The following CTTNBP2 variants were observed in gnomAD, a reference collection of about 807,000 sequenced individuals.
CTTNBP2 encodes the protein cortactin binding protein 2.
CTTNBP2 carries 108 observed loss-of-function variants against 156.9 expected under a neutral mutation model. The ratio of observed to expected loss-of-function variants is 0.69; its 90% CI spans 0.59 to 0.81. The LOEUF is 0.81. CTTNBP2 is among the 30% of genes least tolerant of loss of function. CTTNBP2 has a pLI of 0.00. For synonymous variants in CTTNBP2, 767 were observed against 751.8 expected, an observed-to-expected ratio of 1.02 and a Z score of -0.33; for missense variants, 1,924 against 2,035.4, an observed-to-expected ratio of 0.95 and a Z score of 1.05.
chr7:117,872,384 G>C (rs10429259), intron 1 of CTTNBP2, among the ~76,000 whole-genome samples: 28,946 of 152,152 alleles, frequency 0.19, 3,574 homozygotes, highest in East Asian at 0.41. Context: ...AGCCAGATCT[G>C]GCCAAGAGTG....
At chr7:117,756,495 C>T in intron 12 of CTTNBP2, 60 bp downstream of exon 12, 1 of 1,341,748 alleles carries the variant, frequency 7.5e-7, no homozygotes, top group Non-Finnish European at 1.1e-6. Context: ...AAATGGGCCA[C>T]CCAATTTTCC....
Position 117,780,434 on chromosome 7 carries a change from T to C in CTTNBP2, c.2523+7A>G, listed in dbSNP as rs1562999382. 1.9e-6 allele frequency: 3 copies of C among 1,540,740 alleles called. No individual in the cohort carries two copies. Among genetic ancestry groups the C allele is most frequent in the Admixed American group, 2.1e-5 (1 of 47,500 alleles). ...ATACAGGGGGAAAAAAACAGACTGC[T>C]ACTCACTGTGGTTTTTACACTTCGA... On this transcript the variant is annotated splice_region_variant and intron_variant, in intron 7 of 22. Transcript: ENST00000160373.
intron 3 of CTTNBP2, among the ~76,000 whole-genome samples, chr7:117,801,144 C>T (rs1012783177): frequency 1.3e-5 from 2 of 151,898 alleles, no homozygotes; most frequent in African/African-American, 4.8e-5. Context: ...CAGTAGAATG[C>T]CACATAAAAA....
At chr7:117,747,498 C>G (rs1303626308) in intron 12 of CTTNBP2, among the ~76,000 whole-genome samples, 1 of 152,198 alleles carries the variant, frequency 6.6e-6, no homozygotes, top group Non-Finnish European at 1.5e-5. Context: ...TTGGGCCGCA[C>G]GTGGTGGCTC....
At chr7:117,713,004 C>T (rs145315249) in intron 22 of CTTNBP2, among the ~76,000 whole-genome samples, 23 of 152,292 alleles carry the variant, frequency 1.5e-4, no homozygotes, top group Non-Finnish European at 2.6e-4. Flanking sequence ...ACCTGAGCTC[C>T]GCCTCCTGTC....
intron 1 of CTTNBP2, among the ~76,000 whole-genome samples, chr7:117,866,716 C>G (rs1376971633): frequency 6.6e-6 from 1 of 152,090 alleles, no homozygotes; most frequent in African/African-American, 2.4e-5. Context: ...TCCCCCATCC[C>G]CTAAATGTCC....
At chr7:117,766,278 A>G (rs1434655588) in intron 9 of CTTNBP2, among the ~76,000 whole-genome samples, 1 of 152,126 alleles carries the variant, frequency 6.6e-6, no homozygotes, top group Non-Finnish European at 1.5e-5. Flanking sequence ...CTGTCAACCA[A>G]AAAAACCCCC....
At chr7:117,803,485 C>T (rs7786189) in intron 3 of CTTNBP2, among the ~76,000 whole-genome samples, 2,910 of 152,174 alleles carry the variant, frequency 0.019, 96 homozygotes, top group African/African-American at 0.065. Context: ...CAGCATCATA[C>T]GATATGCCAA....
rs530462273 is a variant in CTTNBP2, at chr7:117,730,084, C to A, written c.3877-1817G>T. Among the ~76,000 whole-genome samples the A allele has an allele frequency of 4.6e-5, 7 of 152,238 alleles. No homozygotes were observed. In the South Asian group the frequency reaches 1.0e-3, roughly 23 times the overall value. On this transcript the variant is annotated intron_variant, in intron 16 of 22. Coordinates refer to ENST00000160373, the MANE Select transcript of CTTNBP2 (RefSeq NM_033427.3). ...GGATCTGATCCCCCACCTAGTATGTCCCCTGAACGAATGACTTCAAGGCCA... is the reference window on the plus strand; with the variant it reads ...GGATCTGATCCCCCACCTAGTATGTACCCTGAACGAATGACTTCAAGGCCA...
chr7:117,748,526 A>G (rs1796458064), intron 12 of CTTNBP2, among the ~76,000 whole-genome samples: 1 of 152,066 alleles, frequency 6.6e-6, no homozygotes, highest in South Asian at 2.1e-4. Flanking sequence ...GCATTGAGAG[A>G]GCTCAAGTTA....
chr7:117,735,585 T>C (rs1795643367), intron 14 of CTTNBP2, among the ~76,000 whole-genome samples, 164 bp from the exon 15 acceptor site: 1 of 152,222 alleles, frequency 6.6e-6, no homozygotes. Flanking sequence ...AACTGTTCGG[T>C]ATTATTTGAT....
At chr7:117,869,477 T>G (rs1804431195) in intron 1 of CTTNBP2, among the ~76,000 whole-genome samples, 1 of 152,212 alleles carries the variant, frequency 6.6e-6, no homozygotes, top group Admixed American at 6.5e-5. Context: ...TTTTACAAAC[T>G]TCACACAACT....
chr7:117,856,693 A>T (rs184832551), intron 2 of CTTNBP2, among the ~76,000 whole-genome samples: 93 of 152,342 alleles, frequency 6.1e-4, no homozygotes, highest in African/African-American at 2.0e-3. Flanking sequence ...TATCCAATCT[A>T]AAAGGAAAAA....
intron 3 of CTTNBP2, among the ~76,000 whole-genome samples, chr7:117,802,901 G>A (rs1799717684): frequency 6.6e-6 from 1 of 152,220 alleles, no homozygotes; most frequent in African/African-American, 2.4e-5. Context: ...TGAAGAGGCT[G>A]TGGAGAAAAG....
rs10274022 is a variant in CTTNBP2, at chr7:117,745,924, G to T, written c.3442C>A (p.Gln1148Lys). 1.9e-3 allele frequency: 3,015 copies of T among 1,614,022 alleles called. 43 individuals carry two copies. In the African/African-American group the frequency reaches 0.031, roughly 16 times the overall value. The change falls in exon 14 of 23, where the codon CAA (glutamine) becomes AAA (lysine). Residue 1148 changes from glutamine (Q) to lysine (K), a missense_variant. By Grantham distance (53) the Gln-to-Lys change is moderately conservative (BLOSUM62 1). Coordinates refer to ENST00000160373, the MANE Select transcript of CTTNBP2 (RefSeq NM_033427.3). ...TCACAGGAGAATCCTGCAGCCATTTGTCTGTGCTGTGATAAGAAAATAGGG... is the reference window on the plus strand; with the variant it reads ...TCACAGGAGAATCCTGCAGCCATTTTTCTGTGCTGTGATAAGAAAATAGGG... Reference protein sequence around the residue: ...HQLALCLKHRQMAAGFSCEIV... With the variant: ...HQLALCLKHRKMAAGFSCEIV...
chr7:117,723,651 ATCT>A (rs1240426464), intron 19 of CTTNBP2, among the ~76,000 whole-genome samples: 3 of 152,208 alleles, frequency 2.0e-5, no homozygotes, highest in Non-Finnish European at 2.9e-5. Context: ...GACGTGTTAC[ATCT>A]TCTTTGTTAG....
chr7:117,784,235 A>T lies in CTTNBP2; in HGVS notation c.2272+16T>A. 1.9e-6 allele frequency: 3 copies of T among 1,579,318 alleles called. No individual in the cohort carries two copies. The highest frequency in any genetic ancestry group is 2.6e-6 in the Non-Finnish European group (3 of 1,163,142). ...TCCTTTTGCAAGTGTGTGGTATAAGATCTCGCCATATTTACCTGTATGTCC... is the reference window on the plus strand; with the variant it reads ...TCCTTTTGCAAGTGTGTGGTATAAGTTCTCGCCATATTTACCTGTATGTCC... On this transcript the variant is annotated intron_variant, in intron 5 of 22. Coordinates refer to ENST00000160373, the MANE Select transcript of CTTNBP2 (RefSeq NM_033427.3).
At position 117,752,219 on chromosome 7, in the gene CTTNBP2, A is replaced by C. The variant is rs2116599144; in HGVS notation, c.3348+4336T>G. On this transcript the variant is annotated intron_variant, in intron 12 of 22. Transcript: ENST00000160373. ...GCATGGCACATATTGAAGTGAATGA[A>C]AAACAGGTAGAAGAAACTCAAGGAT... Among the ~76,000 whole-genome samples, 2 of 152,312 alleles carry C rather than the reference A, an allele frequency of 1.3e-5. 1 individual carries two copies. The highest frequency in any genetic ancestry group is 1.3e-4 in the Admixed American group (2 of 15,296).
chr7:117,732,416 C>T (rs368253543), intron 16 of CTTNBP2, among the ~76,000 whole-genome samples: 33 of 151,902 alleles, frequency 2.2e-4, no homozygotes, highest in Admixed American at 7.9e-4. Flanking sequence ...TTTGGGAGGC[C>T]GAGGTGGGTG....
Sources: gnomAD v4.1 joint callset for allele counts (sites outside exome capture counted in the v4.1 genomes callset) on GRCh38, gnomAD v4.1.1 for gene constraint, MANE v1.5 for transcripts, NCBI Gene and HGNC (gene_info 2026-07-23, HGNC 2026-07-21) for gene names.